NT5DC3: variants seen among roughly 807,000 people sequenced by gnomAD.
NT5DC3 encodes the protein 5'-nucleotidase domain-containing protein 3.
In NT5DC3, 42 loss-of-function variants were observed where a neutral mutation model predicts 67.8. That is an observed-to-expected ratio of 0.62 (90% confidence interval 0.48 to 0.80). The LOEUF is 0.80. Among genes scored for constraint, NT5DC3 ranks in the 30% least tolerant of loss-of-function variants. The probability of loss-of-function intolerance (pLI) is 0.00; values close to 1 mark genes in which losing one functional copy is unlikely to be tolerated. For missense variants in NT5DC3, 570 were observed against 696.4 expected, an observed-to-expected ratio of 0.82 and a Z score of 2.04; for synonymous variants, 237 against 255.6, an observed-to-expected ratio of 0.93 and a Z score of 0.69.
intron 9 of NT5DC3, among the ~76,000 whole-genome samples, chr12:103,789,394 AGCCT>A: frequency 6.6e-6 from 1 of 152,106 alleles, no homozygotes; most frequent in East Asian, 1.9e-4. Context: ...ACTGCACTTC[AGCCT>A]GGGCAACAAG....
chr12:103,829,860 T>G (rs1187778052), intron 1 of NT5DC3, among the ~76,000 whole-genome samples: 1 of 151,490 alleles, frequency 6.6e-6, no homozygotes, highest in African/African-American at 2.4e-5. Flanking sequence ...AGTTCCTTGA[T>G]GGTAAAGCTC....
chr12:103,799,804 C>CAAAAAAAAAAAAAAAAAAAAA (rs72379630), intron 4 of NT5DC3, among the ~76,000 whole-genome samples: 3 of 131,494 alleles, frequency 2.3e-5, no homozygotes, highest in East Asian at 2.6e-4. Flanking sequence ...CTCCACATAC[C>CAAAAAAAAAAAAAAAAAAAAA]AAAAAAAAAA....
downstream of NT5DC3, among the ~76,000 whole-genome samples, chr12:103,768,161 G>A (rs538291350): frequency 5.3e-4 from 80 of 150,738 alleles, no homozygotes; most frequent in African/African-American, 1.9e-3. Flanking sequence ...ATGGCCAGGT[G>A]CAGTGGCTCA....
intron 12 of NT5DC3, among the ~76,000 whole-genome samples, chr12:103,785,032 G>T (rs112752561): frequency 0.015 from 2,232 of 152,284 alleles, 28 homozygotes; most frequent in Middle Eastern, 0.037. Flanking sequence ...GACAGAACCA[G>T]CACAGACTCA....
the NT5DC3 span, chr12:103,762,210 A>C: frequency 6.3e-7 from 1 of 1,594,842 alleles, no homozygotes; most frequent in Non-Finnish European, 8.5e-7. Flanking sequence ...CGGGCCACCA[A>C]GGGTTCCCCT....
At chr12:103,792,107 C>A (rs1003306483) in intron 9 of NT5DC3, among the ~76,000 whole-genome samples, 1 of 152,294 alleles carries the variant, frequency 6.6e-6, no homozygotes, top group South Asian at 2.1e-4. Flanking sequence ...GGACGGTTTG[C>A]GGCTCTCCCA....
chr12:103,750,963 G>A, the NT5DC3 span, among the ~76,000 whole-genome samples: 9 of 152,298 alleles, frequency 5.9e-5, no homozygotes, highest in South Asian at 2.1e-4. Context: ...GTGGCAGTGC[G>A]CGCCTGTAAT....
At position 103,819,103 on chromosome 12, in the gene NT5DC3, G is replaced by A. The variant is rs1367912808; in HGVS notation, c.209-3982C>T. On this transcript the variant is annotated intron_variant, in intron 1 of 13. Transcript: ENST00000392876. ...GGAAAAACTACTATGATAAAAAATC[G>A]TGACTGGTCAGCACATCTCCAAAAG... is the stretch of plus-strand genomic sequence containing the variant. 3.3e-5 allele frequency among the ~76,000 whole-genome samples: 5 copies of A among 152,166 alleles called. No individual in the cohort carries two copies. The South Asian group carries it at 8.3e-4, about 25-fold the overall frequency.
chr12:103,749,823 G>C, the NT5DC3 span, among the ~76,000 whole-genome samples: 1 of 108,960 alleles, frequency 9.2e-6, no homozygotes, highest in Non-Finnish European at 1.7e-5. Context: ...CTGGGTGACA[G>C]AGCAAGACTC....
chr12:103,833,439 T>A (rs538527455), intron 1 of NT5DC3, among the ~76,000 whole-genome samples: 5 of 152,276 alleles, frequency 3.3e-5, no homozygotes, highest in South Asian at 4.1e-4. Context: ...TTCACTGTAT[T>A]TAATATTACA....
the NT5DC3 span, chr12:103,763,606 A>G: frequency 6.2e-7 from 1 of 1,613,506 alleles, no homozygotes; most frequent in Non-Finnish European, 8.5e-7. Flanking sequence ...CGACCCCTTC[A>G]CGGTGAGTTT....
intron 1 of NT5DC3, among the ~76,000 whole-genome samples, chr12:103,833,124 G>A (rs1239497655): frequency 6.6e-6 from 1 of 152,074 alleles, no homozygotes; most frequent in African/African-American, 2.4e-5. Context: ...CCTCAAAATA[G>A]ACTTATCACC....
chr12:103,764,304 T>G, the NT5DC3 span, among the ~76,000 whole-genome samples: 10,296 of 152,280 alleles, frequency 0.068, 416 homozygotes, highest in Middle Eastern at 0.078. Context: ...AAGATTTTAC[T>G]GCTTGTTGTC....
At chr12:103,759,155 A>G in the NT5DC3 span, 1 of 1,614,112 alleles carries the variant, frequency 6.2e-7, no homozygotes, top group African/African-American at 1.3e-5. Flanking sequence ...CGGGACATCG[A>G]GCACCACCTC....
chr12:103,755,411 A>G, the NT5DC3 span: 4 of 1,614,024 alleles, frequency 2.5e-6, no homozygotes, highest in African/African-American at 4.0e-5. Context: ...ATAGTGGACT[A>G]TGGACCTAGA....
intron 7 of NT5DC3, among the ~76,000 whole-genome samples, 167 bp downstream of exon 7, chr12:103,793,770 C>G (rs1311756711): frequency 2.0e-5 from 3 of 152,186 alleles, no homozygotes; most frequent in Non-Finnish European, 2.9e-5. Context: ...AGAATTATGT[C>G]AAGTTCCAGG....
intron 3 of NT5DC3, 104 bp from the exon 4 acceptor site, chr12:103,806,481 C>T: frequency 1.2e-6 from 1 of 809,406 alleles, no homozygotes; most frequent in Non-Finnish European, 2.1e-6. Flanking sequence ...TTAGGCTGCC[C>T]TAACAAGGAA....
At chr12:103,790,095 T>C (rs949591172) in intron 9 of NT5DC3, among the ~76,000 whole-genome samples, 1 of 152,172 alleles carries the variant, frequency 6.6e-6, no homozygotes, top group Non-Finnish European at 1.5e-5. Context: ...ATCTTTTTTT[T>C]TTCCCAAATA....
chr12:103,825,786 C>T (rs1253107774), intron 1 of NT5DC3, among the ~76,000 whole-genome samples: 1 of 152,144 alleles, frequency 6.6e-6, no homozygotes. Flanking sequence ...AGAAGAGAGC[C>T]ATGTCGAATG....
Sources: gnomAD v4.1 joint callset for allele counts (sites outside exome capture counted in the v4.1 genomes callset) on GRCh38, gnomAD v4.1.1 for gene constraint, MANE v1.5 for transcripts, NCBI Gene and HGNC (gene_info 2026-07-23, HGNC 2026-07-21) for gene names.